Variants in GRIK2 observed in about 807,000 individuals in gnomAD.
The protein encoded by GRIK2 is glutamate ionotropic receptor kainate type subunit 2, also known as glutamate receptor ionotropic, kainate 2.
A neutral mutation model predicts 100.3 loss-of-function variants in GRIK2; 32 were observed. That is an observed-to-expected ratio of 0.32 (90% CI 0.24 to 0.43). The LOEUF is 0.43. Among genes scored for constraint, GRIK2 ranks in the 20% least tolerant of loss-of-function variants. The pLI is 1.00. For synonymous variants in GRIK2, 417 were observed against 389.4 expected (o/e 1.07, Z -0.83); for missense variants, 843 against 1,114.9 (o/e 0.76, Z 3.47).
chr6:101,522,392 A>G (rs1016467414), intron 2 of GRIK2, among the ~76,000 whole-genome samples: 2 of 152,160 alleles, frequency 1.3e-5, no homozygotes, highest in African/African-American at 4.8e-5. Flanking sequence ...GTGACTTGGC[A>G]TAACAAGCTT....
At chr6:101,563,405 G>A (rs914323190) in intron 2 of GRIK2, among the ~76,000 whole-genome samples, 3 of 151,974 alleles carry the variant, frequency 2.0e-5, no homozygotes, top group Non-Finnish European at 2.9e-5. Context: ...TTAATAATTC[G>A]ATTCAGATTT....
chr6:101,731,393 T>A (rs1187479153), intron 7 of GRIK2, among the ~76,000 whole-genome samples: 1 of 151,910 alleles, frequency 6.6e-6, no homozygotes, highest in African/African-American at 2.4e-5. Flanking sequence ...TCATTATAAT[T>A]GGGAAAATAA....
intron 7 of GRIK2, among the ~76,000 whole-genome samples, chr6:101,761,449 T>G (rs537562704): frequency 3.2e-4 from 48 of 152,276 alleles, no homozygotes; most frequent in Admixed American, 2.9e-3. Flanking sequence ...AAAACAATAT[T>G]TTGCAATTGT....
At chr6:101,546,310 C>T (rs887454784) in intron 2 of GRIK2, among the ~76,000 whole-genome samples, 1 of 152,176 alleles carries the variant, frequency 6.6e-6, no homozygotes, top group Non-Finnish European at 1.5e-5. Context: ...AGAATCTACT[C>T]ATTTTAAGCA....
chr6:101,549,676 G>A (rs112320407), intron 2 of GRIK2, among the ~76,000 whole-genome samples: 143 of 152,156 alleles, frequency 9.4e-4, no homozygotes, highest in Admixed American at 1.6e-3. Flanking sequence ...AAATGCTAGG[G>A]TAAGAAGAGA....
rs78338214 is a variant in GRIK2, at chr6:101,626,318, G to A, written c.284-62G>A. ...CCTTTGGGTTTAAAATAATAATGTG[G>A]TATCTGTTGGCACACTGGCACCTCT... On this transcript the variant is annotated intron_variant, in intron 3 of 16. Transcript: ENST00000369134. The A allele has an allele frequency of 1.7e-3, 2,382 of 1,380,736 alleles. 33 individuals carry two copies. The African/African-American group carries it at 0.03, about 17-fold the overall frequency. 85.5% of individuals were successfully genotyped at this position (1,380,736 alleles called of 1,614,324 possible).
chr6:101,460,467 A>G (rs1375475313), intron 2 of GRIK2, among the ~76,000 whole-genome samples: 6 of 152,258 alleles, frequency 3.9e-5, no homozygotes, highest in Non-Finnish European at 8.8e-5. Context: ...GTAATGTAAC[A>G]CAAGTTGAAA....
At chr6:101,638,088 A>G (rs1026846278) in intron 4 of GRIK2, among the ~76,000 whole-genome samples, 2 of 151,986 alleles carry the variant, frequency 1.3e-5, no homozygotes, top group African/African-American at 2.4e-5. Flanking sequence ...GCATCCTCAC[A>G]TAAGTAATTT....
chr6:101,555,006 A>G (rs961022135), intron 2 of GRIK2, among the ~76,000 whole-genome samples: 1 of 152,212 alleles, frequency 6.6e-6, no homozygotes, highest in Non-Finnish European at 1.5e-5. Flanking sequence ...TAATTTCCAC[A>G]TAATTCCTGA....
intron 7 of GRIK2, among the ~76,000 whole-genome samples, chr6:101,704,156 A>T (rs1773095687): frequency 6.6e-6 from 1 of 151,832 alleles, no homozygotes; most frequent in African/African-American, 2.4e-5. Context: ...CTAAACCCAG[A>T]AGGACAGTTA....
intron 14 of GRIK2, among the ~76,000 whole-genome samples, chr6:102,007,369 A>C (rs1795296444): frequency 6.6e-6 from 1 of 152,162 alleles, no homozygotes; most frequent in Admixed American, 6.6e-5. Flanking sequence ...AAATTTGAAA[A>C]CTGGATAAAG....
At position 101,934,282 on chromosome 6, in the gene GRIK2, G is replaced by GGC. The variant is rs1317332880; in HGVS notation, c.2085+5651_2085+5652dup. On this transcript the variant is annotated intron_variant, in intron 14 of 16. Transcript: ENST00000369134. ...AAGAGCTAAGTGTATTGATCATTTT[G>GGC]GCTCACCCACATGACCTCAACTGCT... Among the ~76,000 whole-genome samples, 4 of 151,886 alleles carry GGC rather than the reference G, an allele frequency of 2.6e-5. No individual in the cohort carries two copies. The Middle Eastern group carries it at 0.01, about 387-fold the overall frequency.
intron 12 of GRIK2, among the ~76,000 whole-genome samples, chr6:101,903,166 T>C (rs1787993822): frequency 6.6e-6 from 1 of 151,876 alleles, no homozygotes; most frequent in Non-Finnish European, 1.5e-5. Context: ...TCTCTGTATA[T>C]CTTATTAACT....
At chr6:101,494,970 T>TA (rs1491140631) in intron 2 of GRIK2, among the ~76,000 whole-genome samples, 51 of 108,766 alleles carry the variant, frequency 4.7e-4, no homozygotes, top group African/African-American at 1.1e-3. Context: ...TATATATGCA[T>TA]TTATATATAT....
chr6:101,801,078 C>A (rs1438703686), intron 8 of GRIK2, among the ~76,000 whole-genome samples: 1 of 151,920 alleles, frequency 6.6e-6, no homozygotes, highest in South Asian at 2.1e-4. Context: ...ATATTTTCTT[C>A]TTTGTTTTGG....
chr6:101,747,912 G>T (rs1776524015), intron 7 of GRIK2, among the ~76,000 whole-genome samples: 1 of 152,100 alleles, frequency 6.6e-6, no homozygotes, highest in Non-Finnish European at 1.5e-5. Flanking sequence ...TGGTTGGCAG[G>T]CCGTGTGCTA....
At chr6:101,992,683 G>A (rs1378255498) in intron 14 of GRIK2, among the ~76,000 whole-genome samples, 2 of 151,626 alleles carry the variant, frequency 1.3e-5, no homozygotes, top group Non-Finnish European at 3.0e-5. Context: ...CAGAAGCACA[G>A]TGGGCAAGTT....
intron 2 of GRIK2, among the ~76,000 whole-genome samples, chr6:101,432,675 G>A (rs1026231011): frequency 6.6e-6 from 1 of 152,076 alleles, no homozygotes; most frequent in Non-Finnish European, 1.5e-5. Flanking sequence ...GCATTCATCT[G>A]CTTAGGGTGA....
At chr6:101,424,569 T>A (rs1007962624) in intron 2 of GRIK2, among the ~76,000 whole-genome samples, 7 of 151,384 alleles carry the variant, frequency 4.6e-5, no homozygotes, top group African/African-American at 4.9e-5. Flanking sequence ...TTTCATTTTT[T>A]AAAAATTATT....
Sources: allele counts gnomAD v4.1 joint callset (sites outside exome capture counted in the v4.1 genomes callset), GRCh38; gene constraint gnomAD v4.1.1; transcripts MANE v1.5; gene names NCBI Gene and HGNC (gene_info 2026-07-23, HGNC 2026-07-21).